SWAP70: variants seen among roughly 807,000 people sequenced by gnomAD.
SWAP70 encodes switching B cell complex subunit SWAP70.
Under a neutral mutation model 80.2 loss-of-function variants are expected in SWAP70, and 34 were observed. The observed-to-expected ratio is 0.42, with a 90% CI of 0.32 to 0.56. The LOEUF (loss-of-function observed/expected upper bound fraction) is 0.56. SWAP70 is among the 20% of genes least tolerant of loss of function. SWAP70 has a pLI of 0.09. For missense variants in SWAP70, 578 were observed against 690.7 expected (o/e 0.84, Z 1.83); for synonymous variants, 239 against 238.5 (o/e 1.00, Z -0.02).
chr11:9,738,182 C>T, intron 7 of SWAP70, 31 bp from the exon 8 acceptor site: 1 of 1,549,078 alleles, frequency 6.5e-7, no homozygotes, highest in Non-Finnish European at 8.8e-7. Context: ...CTAACACCTG[C>T]TTTTCTGTGG....
intron 2 of SWAP70, among the ~76,000 whole-genome samples, chr11:9,712,811 T>C (rs1209141290): frequency 1.3e-5 from 2 of 150,106 alleles, no homozygotes; most frequent in African/African-American, 4.9e-5. Flanking sequence ...TGATCTCAGC[T>C]CACTGCAACC....
intron 5 of SWAP70, 31 bp downstream of exon 5, chr11:9,728,230 A>G (rs757814623): frequency 1.3e-6 from 2 of 1,555,458 alleles, no homozygotes; most frequent in Non-Finnish European, 1.7e-6. Flanking sequence ...TTGCATGATT[A>G]CCCCGTGCTG....
chr11:9,701,789 G>T lies in SWAP70; in HGVS notation c.240+7503G>T, dbSNP rs372939197. ...GTGGTATATTACTACCTTCTAGTTAGTACCAATAAAGTATATAAAAAACTA... is the reference window on the plus strand; with the variant it reads ...GTGGTATATTACTACCTTCTAGTTATTACCAATAAAGTATATAAAAAACTA... On this transcript the variant is annotated intron_variant, in intron 2 of 11. Coordinates refer to ENST00000318950, the MANE Select transcript of SWAP70 (RefSeq NM_015055.4). Among the ~76,000 whole-genome samples the T allele has an allele frequency of 5.8e-5, 8 of 138,794 alleles. No individual in the cohort carries two copies. The East Asian group carries it at 1.8e-3, about 31-fold the overall frequency. 91.1% of individuals were successfully genotyped at this position (138,794 alleles called of 152,430 possible).
intron 2 of SWAP70, among the ~76,000 whole-genome samples, chr11:9,699,211 A>T (rs1289457034): frequency 2.0e-5 from 3 of 152,128 alleles, no homozygotes; most frequent in Non-Finnish European, 4.4e-5. Flanking sequence ...TCTTTTAGGG[A>T]TGATGAAAAT....
At chr11:9,676,983 G>A (rs1351261333) in intron 1 of SWAP70, among the ~76,000 whole-genome samples, 1 of 151,678 alleles carries the variant, frequency 6.6e-6, no homozygotes, top group Non-Finnish European at 1.5e-5. Context: ...AATGTTTTCA[G>A]TCCACACTTG....
intron 2 of SWAP70, among the ~76,000 whole-genome samples, chr11:9,702,571 G>A (rs1007234796): frequency 1.3e-5 from 2 of 151,930 alleles, no homozygotes; most frequent in African/African-American, 4.8e-5. Context: ...TTACATGTGT[G>A]CACCACCATG....
intron 1 of SWAP70, among the ~76,000 whole-genome samples, chr11:9,676,513 C>T (rs898772172): frequency 6.6e-6 from 1 of 152,072 alleles, no homozygotes; most frequent in African/African-American, 2.4e-5. Flanking sequence ...GTATATCTTT[C>T]TTTATACTTT....
chr11:9,686,912 G>T (rs1178525920), intron 1 of SWAP70, among the ~76,000 whole-genome samples: 3 of 152,310 alleles, frequency 2.0e-5, no homozygotes, highest in African/African-American at 7.2e-5. Context: ...TAGTACTGAA[G>T]TTGAGAAAAA....
intron 2 of SWAP70, among the ~76,000 whole-genome samples, chr11:9,704,636 G>C (rs1850876443): frequency 6.6e-6 from 1 of 152,110 alleles, no homozygotes; most frequent in Admixed American, 6.6e-5. Context: ...CAAGTCATCT[G>C]CCTGCCTTGG....
At chr11:9,740,537 G>A (rs1213540203) in intron 9 of SWAP70, 190 bp downstream of exon 9, 12 of 640,204 alleles carry the variant, frequency 1.9e-5, no homozygotes, top group Admixed American at 5.2e-5. Flanking sequence ...TCATTCTGAG[G>A]CGCTGGGAAA....
At chr11:9,742,356 G>A (rs1851451516) in intron 9 of SWAP70, among the ~76,000 whole-genome samples, 1 of 149,224 alleles carries the variant, frequency 6.7e-6, no homozygotes, top group Non-Finnish European at 1.5e-5. Flanking sequence ...TTTTTTTTCT[G>A]AGATGGAGTC....
Position 9,664,093 on chromosome 11 carries a change from G to T in SWAP70, c.-87G>T. ...TGGCGGGTCAGGTGACTGCGCGGCGGGCTGTGGCTGCGGAGGTTGAGGGGC... is the reference window on the plus strand; with the variant it reads ...TGGCGGGTCAGGTGACTGCGCGGCGTGCTGTGGCTGCGGAGGTTGAGGGGC... On this transcript the variant is annotated 5_prime_UTR_variant, in exon 1 of 12. Coordinates refer to ENST00000318950, the MANE Select transcript of SWAP70 (RefSeq NM_015055.4). 3 of 1,306,286 alleles carry T rather than the reference G, an allele frequency of 2.3e-6. No homozygotes were observed. In the South Asian group the frequency reaches 4.5e-5, roughly 20 times the overall value. The allele number at this position is 1,306,286 out of a possible 1,614,324, so 80.9% of individuals were successfully genotyped here.
chr11:9,714,425 C>G (rs1350114571), intron 3 of SWAP70, among the ~76,000 whole-genome samples: 2 of 152,218 alleles, frequency 1.3e-5, no homozygotes, highest in East Asian at 3.8e-4. Flanking sequence ...TAATGCCTGG[C>G]ACATAGTATG....
intron 9 of SWAP70, 126 bp downstream of exon 9, chr11:9,740,473 G>A (rs759863510): frequency 2.1e-6 from 2 of 964,660 alleles, no homozygotes; most frequent in Admixed American, 1.8e-5. Context: ...TGAGCTCGAG[G>A]TGCTGTCCAG....
chr11:9,696,656 T>G (rs1445024721), intron 2 of SWAP70, among the ~76,000 whole-genome samples: 1 of 152,178 alleles, frequency 6.6e-6, no homozygotes, highest in Non-Finnish European at 1.5e-5. Context: ...AGCAACTTAT[T>G]TTTTTAATTG....
Position 9,732,494 on chromosome 11 carries a change from T to C in SWAP70, c.899-35T>C, listed in dbSNP as rs752026635. 32 of 1,564,110 alleles carry C rather than the reference T, an allele frequency of 2.0e-5. 2 individuals carry two copies. The South Asian group carries it at 3.7e-4, about 18-fold the overall frequency. Reference sequence around the variant, plus strand: ...AGGCTTACAAAGAATAAATAATATCTCCCCATTTTTTTTTTCCTCCTACAC... The same window carrying C: ...AGGCTTACAAAGAATAAATAATATCCCCCCATTTTTTTTTTCCTCCTACAC... On this transcript the variant is annotated intron_variant, in intron 6 of 11. Transcript: ENST00000318950.
chr11:9,698,290 G>T (rs927713344), intron 2 of SWAP70, among the ~76,000 whole-genome samples: 1 of 151,912 alleles, frequency 6.6e-6, no homozygotes, highest in Non-Finnish European at 1.5e-5. Context: ...TTGTTGAGAT[G>T]GGGTTTTACC....
intron 1 of SWAP70, among the ~76,000 whole-genome samples, chr11:9,693,417 A>G (rs1363829681): frequency 2.0e-5 from 3 of 152,218 alleles, no homozygotes; most frequent in Admixed American, 6.5e-5. Context: ...TATTTATGCT[A>G]TGGAATGCAG....
At chr11:9,673,302 C>G (rs1023077373) in intron 1 of SWAP70, among the ~76,000 whole-genome samples, 6 of 152,148 alleles carry the variant, frequency 3.9e-5, no homozygotes, top group African/African-American at 1.2e-4. Flanking sequence ...GACATGTTTA[C>G]TGATTTATTA....
Sources: gnomAD v4.1 joint callset for allele counts (sites outside exome capture counted in the v4.1 genomes callset) on GRCh38, gnomAD v4.1.1 for gene constraint, MANE v1.5 for transcripts, NCBI Gene and HGNC (gene_info 2026-07-23, HGNC 2026-07-21) for gene names.